The following LYPD6 variants were observed in gnomAD, a reference collection of about 807,000 sequenced individuals.
LYPD6 encodes the protein LY6/PLAUR domain containing 6.
A neutral mutation model predicts 22.7 loss-of-function variants in LYPD6; 15 were observed. The observed-to-expected ratio is 0.66, with a 90% CI of 0.44 to 1.02. LYPD6 has a LOEUF of 1.02. Among genes scored for constraint, LYPD6 ranks in the 50% least tolerant of loss-of-function variants. The probability of loss-of-function intolerance (pLI) is 0.00; values close to 1 mark genes in which losing one functional copy is unlikely to be tolerated. For missense variants in LYPD6, 189 were observed against 208.4 expected (o/e 0.91, Z 0.57); for synonymous variants, 72 against 77.5 (o/e 0.93, Z 0.37).
At chr2:149,399,262 A>T (rs569717467) in intron 1 of LYPD6, among the ~76,000 whole-genome samples, 13 of 152,220 alleles carry the variant, frequency 8.5e-5, no homozygotes, top group Non-Finnish European at 1.8e-4. Flanking sequence ...CTTTGTCAGC[A>T]ATAGAAATCA....
chr2:149,409,293 G>A (rs968286358), intron 1 of LYPD6, among the ~76,000 whole-genome samples: 8 of 152,232 alleles, frequency 5.3e-5, no homozygotes, highest in African/African-American at 1.9e-4. Flanking sequence ...ACCAGCACCT[G>A]CTCTGGTGGA....
chr2:149,466,780 A>G (rs1183444026), intron 3 of LYPD6, among the ~76,000 whole-genome samples: 1 of 152,174 alleles, frequency 6.6e-6, no homozygotes, highest in Non-Finnish European at 1.5e-5. Context: ...CCATAAGCCT[A>G]TGATCTTATC....
intron 1 of LYPD6, among the ~76,000 whole-genome samples, chr2:149,422,032 C>T (rs922793564): frequency 2.0e-5 from 3 of 152,088 alleles, no homozygotes; most frequent in Non-Finnish European, 2.9e-5. Flanking sequence ...CATGCTATGG[C>T]GCCTCTTGGA....
At chr2:149,371,267 A>G (rs1681802678) in intron 1 of LYPD6, among the ~76,000 whole-genome samples, 1 of 152,108 alleles carries the variant, frequency 6.6e-6, no homozygotes, top group African/African-American at 2.4e-5. Flanking sequence ...GTATCTAAGG[A>G]TGTCTGGCCC....
chr2:149,341,555 G>C (rs1681162052), intron 1 of LYPD6, among the ~76,000 whole-genome samples: 1 of 152,146 alleles, frequency 6.6e-6, no homozygotes, highest in Admixed American at 6.6e-5. Flanking sequence ...GAGAAAAGCT[G>C]TAAAGATCTG....
chr2:149,460,106 A>T (rs1573825803), intron 3 of LYPD6, among the ~76,000 whole-genome samples: 2 of 152,272 alleles, frequency 1.3e-5, no homozygotes, highest in East Asian at 3.9e-4. Flanking sequence ...AATTCTAAAA[A>T]ACATTGATGT....
intron 1 of LYPD6, among the ~76,000 whole-genome samples, chr2:149,425,501 T>C (rs985085942): frequency 1.2e-4 from 19 of 152,214 alleles, no homozygotes; most frequent in Non-Finnish European, 2.5e-4. Context: ...AGGAGGCTAC[T>C]CAGTACTTTT....
chr2:149,485,004 A>G, the LYPD6 span, among the ~76,000 whole-genome samples: 1 of 152,160 alleles, frequency 6.6e-6, no homozygotes, highest in Non-Finnish European at 1.5e-5. Context: ...GTCTTGGGAT[A>G]TCTGATATCC....
chr2:149,341,254 AGGGGTGTCCTT>A (rs1343297111), intron 1 of LYPD6, among the ~76,000 whole-genome samples: 2 of 152,114 alleles, frequency 1.3e-5, no homozygotes, highest in Non-Finnish European at 2.9e-5. Context: ...GTCCTTGGTC[AGGGGTGTCCTT>A]CCATCCATTA....
intron 1 of LYPD6, among the ~76,000 whole-genome samples, chr2:149,412,061 C>G (rs563826175): frequency 6.6e-6 from 1 of 152,132 alleles, no homozygotes; most frequent in South Asian, 2.1e-4. Flanking sequence ...TGCATTCTCG[C>G]CTATATTATC....
At chr2:149,442,980 T>G (rs2105156260) in intron 2 of LYPD6, among the ~76,000 whole-genome samples, 1 of 152,302 alleles carries the variant, frequency 6.6e-6, no homozygotes, top group Middle Eastern at 3.4e-3. Flanking sequence ...ATAATTTGGT[T>G]GTCAACGATA....
Position 149,472,501 on chromosome 2 carries a change from A to T in LYPD6, c.*1651A>T, listed in dbSNP as rs1344103194. 6.6e-6 allele frequency: 1 copy of T among 152,566 alleles called. No homozygotes were observed. Among genetic ancestry groups the T allele is most frequent in the East Asian group, 1.9e-4 (1 of 5,198 alleles). The allele number at this position is 152,566 out of a possible 1,614,324, so 9.5% of individuals were successfully genotyped here. ...AAATGTCTCTGGCTCATAAAATGAG[A>T]CTCCCTCAGGGACTAAATATGAACT... On this transcript the variant is annotated 3_prime_UTR_variant, in exon 5 of 5. Transcript: ENST00000334166.
rs561463000 is a variant in LYPD6 at position 149,468,076 on chromosome 2, G to A, written c.218-569G>A. ...TGTAATGCACCCTGGACCCAGCTAT[G>A]CTCATTGGCACAAAGTTTTAAATTG... is the stretch of plus-strand genomic sequence containing the variant. On this transcript the variant is annotated intron_variant, in intron 3 of 4. Coordinates refer to ENST00000334166, the MANE Select transcript of LYPD6 (RefSeq NM_194317.5). Among the ~76,000 whole-genome samples, 3 of 148,470 alleles carry A rather than the reference G, an allele frequency of 2.0e-5. No homozygotes were observed. In the East Asian group the frequency reaches 6.0e-4, roughly 30 times the overall value.
Position 149,366,835 on chromosome 2 carries a change from T to C in LYPD6, c.-72+36113T>C, listed in dbSNP as rs115163714. ...ATAAACCAATGGAGCCTGCAGATTT[T>C]CTCCAGGGCCCCTTTACAAGTTTTA... On this transcript the variant is annotated intron_variant, in intron 1 of 4. Transcript: ENST00000334166. Among the ~76,000 whole-genome samples the C allele has an allele frequency of 3.7e-3, 560 of 152,322 alleles. 4 individuals are homozygous for C. The highest frequency in any genetic ancestry group is 0.012 in the African/African-American group (514 of 41,588).
chr2:149,436,314 T>C (rs1008837075), intron 1 of LYPD6, among the ~76,000 whole-genome samples: 1 of 152,206 alleles, frequency 6.6e-6, no homozygotes, highest in Non-Finnish European at 1.5e-5. Context: ...ATGAGTAACC[T>C]TGACTCCTTG....
chr2:149,421,883 C>G (rs577436392), intron 1 of LYPD6, among the ~76,000 whole-genome samples: 96 of 152,148 alleles, frequency 6.3e-4, no homozygotes, highest in African/African-American at 2.2e-3. Context: ...AAGGTCTGCC[C>G]CAGACCTTCC....
At chr2:149,446,050 ATTG>A (rs1279602108) in intron 2 of LYPD6, among the ~76,000 whole-genome samples, 1 of 152,144 alleles carries the variant, frequency 6.6e-6, no homozygotes, top group Non-Finnish European at 1.5e-5. Context: ...TAATTTCAGT[ATTG>A]TTGTATCTCA....
At chr2:149,378,278 C>T (rs989804852) in intron 1 of LYPD6, among the ~76,000 whole-genome samples, 2 of 152,038 alleles carry the variant, frequency 1.3e-5, no homozygotes, top group Non-Finnish European at 2.9e-5. Context: ...CCACCACGCC[C>T]AGCTAATTTT....
intron 1 of LYPD6, among the ~76,000 whole-genome samples, chr2:149,376,360 G>A (rs1681921428): frequency 6.6e-6 from 1 of 152,072 alleles, no homozygotes; most frequent in African/African-American, 2.4e-5. Context: ...GGAATTAGAA[G>A]TCCCTCACCC....
Sources: allele counts gnomAD v4.1 joint callset (sites outside exome capture counted in the v4.1 genomes callset), GRCh38; gene constraint gnomAD v4.1.1; transcripts MANE v1.5; gene names NCBI Gene and HGNC (gene_info 2026-07-23, HGNC 2026-07-21).